EPHX4: variants seen among roughly 807,000 people sequenced by gnomAD.
EPHX4 encodes abhydrolase domain containing 7.
EPHX4 carries 31 observed loss-of-function variants against 44.9 expected under a neutral mutation model. That is an observed-to-expected ratio of 0.69 (90% CI 0.52 to 0.93). The LOEUF is 0.93. Among genes scored for constraint, EPHX4 ranks in the 40% least tolerant of loss-of-function variants. EPHX4 has a pLI of 0.00. For synonymous variants in EPHX4, 151 were observed against 159.7 expected (o/e 0.95, Z 0.41); for missense variants, 373 against 438.1 (o/e 0.85, Z 1.33).
intron 4 of EPHX4, among the ~76,000 whole-genome samples, chr1:92,049,769 T>G (rs1013583300): frequency 1.3e-5 from 2 of 152,174 alleles, no homozygotes; most frequent in East Asian, 3.9e-4. Flanking sequence ...TGTTCCCTTT[T>G]GAGTCAAGAT....
intron 2 of EPHX4, among the ~76,000 whole-genome samples, chr1:92,040,216 C>T (rs1159643919): frequency 7.6e-6 from 1 of 131,890 alleles, no homozygotes; most frequent in East Asian, 2.2e-4. Context: ...GGCTCTGTCA[C>T]TCAGGCTGGA....
In EPHX4 at chr1:92,040,092, C is replaced by A. The variant is rs528442753; in HGVS notation, c.318-2731C>A. ...AATCATAAATATCCTAGTGATAGAT[C>A]AAAAAATTCTATATTCATTCATAAT... On this transcript the variant is annotated intron_variant, in intron 2 of 6. Coordinates refer to ENST00000370383, the MANE Select transcript of EPHX4 (RefSeq NM_173567.5). Among the ~76,000 whole-genome samples the A allele has an allele frequency of 2.2e-4, 33 of 151,302 alleles. 1 individual carries two copies. In the South Asian group the frequency reaches 6.5e-3, roughly 30 times the overall value.
chr1:92,056,226 C>T (rs1241509664), intron 6 of EPHX4, among the ~76,000 whole-genome samples: 2 of 151,908 alleles, frequency 1.3e-5, no homozygotes, highest in South Asian at 2.1e-4. Context: ...AAAACAGGCA[C>T]GTTAAGACTA....
intron 2 of EPHX4, among the ~76,000 whole-genome samples, chr1:92,040,175 GA>G (rs1189657210): frequency 9.4e-5 from 9 of 95,288 alleles, no homozygotes; most frequent in Admixed American, 2.8e-4. Flanking sequence ...TTGTTACAAT[GA>G]TTTTTTTTTT....
In EPHX4 at chr1:92,063,185, A is replaced by G. The variant is rs754203489; in HGVS notation, c.988A>G (p.Ile330Val). The change falls in exon 7 of 7, where the codon ATT becomes GTT. Residue 330 changes from isoleucine to valine, a missense_variant. Coordinates refer to ENST00000370383, the MANE Select transcript of EPHX4 (RefSeq NM_173567.5). ...TGTTAAAAACTATTTCAGGCTAACTATTTTGTCAGAAGCCAGTCATTGGCT... is the reference window on the plus strand; with the variant it reads ...TGTTAAAAACTATTTCAGGCTAACTGTTTTGTCAGAAGCCAGTCATTGGCT... Reference protein sequence around the residue: ...IYVKNYFRLTILSEASHWLQQ... With the variant: ...IYVKNYFRLTVLSEASHWLQQ... 9 of 1,614,014 alleles carry G rather than the reference A, an allele frequency of 5.6e-6. No individual in the cohort carries two copies. Among genetic ancestry groups the G allele is most frequent in the Non-Finnish European group, 3.4e-6 (4 of 1,180,032 alleles).
chr1:92,033,229 T>C (rs2101865252), intron 2 of EPHX4, among the ~76,000 whole-genome samples: 1 of 152,186 alleles, frequency 6.6e-6, no homozygotes, highest in East Asian at 1.9e-4. Context: ...GTAATGACTT[T>C]TAACAGACCC....
At chr1:92,043,099 T>G in intron 3 of EPHX4, 119 bp downstream of exon 3, 50 of 786,358 alleles carry the variant, frequency 6.4e-5, no homozygotes, top group Non-Finnish European at 8.7e-5. Flanking sequence ...ATCTGGATCC[T>G]GTCACTATGG....
At chr1:92,060,283 A>G (rs1274737873) in intron 6 of EPHX4, among the ~76,000 whole-genome samples, 1 of 151,532 alleles carries the variant, frequency 6.6e-6, no homozygotes, top group Non-Finnish European at 1.5e-5. Flanking sequence ...CTGTTGTGGC[A>G]TGCCTCTGCA....
At chr1:92,044,546 ATC>A (rs1688555886) in intron 3 of EPHX4, among the ~76,000 whole-genome samples, 1 of 152,228 alleles carries the variant, frequency 6.6e-6, no homozygotes, top group Non-Finnish European at 1.5e-5. Context: ...TCCTGTAGGA[ATC>A]TCTATTAATC....
intron 6 of EPHX4, among the ~76,000 whole-genome samples, chr1:92,055,784 A>T (rs1647354787): frequency 6.6e-6 from 1 of 152,126 alleles, no homozygotes; most frequent in South Asian, 2.1e-4. Flanking sequence ...TTAATTTTGG[A>T]TAGGAGACGA....
chr1:92,052,436 T>C lies in EPHX4; in HGVS notation c.709-74T>C. On this transcript the variant is annotated intron_variant, in intron 5 of 6. Transcript: ENST00000370383. ...TCACCACACAATGACCACCATCCCC[T>C]TTCCAAAGCCAAAGACTTAGCTTAT... 2.1e-6 allele frequency: 3 copies of C among 1,441,484 alleles called. No homozygotes were observed. In the South Asian group the frequency reaches 4.0e-5, roughly 19 times the overall value. 89.3% of individuals were successfully genotyped at this position (1,441,484 alleles called of 1,614,324 possible). A position where few individuals can be genotyped will look rare whatever the true frequency, so the allele number is the denominator to read the frequency against.
rs373624217 is a variant in EPHX4 at position 92,030,109 on chromosome 1, C to T, written c.30C>T (p.Arg10=). The T allele has an allele frequency of 7.5e-6, 12 of 1,608,228 alleles. No individual in the cohort carries two copies. Among genetic ancestry groups the T allele is most frequent in the Non-Finnish European group, 1.0e-5 (12 of 1,177,912 alleles). The change falls in exon 1 of 7, where the codon CGC becomes CGT. Residue 10 remains arginine (R), a synonymous_variant. Coordinates refer to ENST00000370383, the MANE Select transcript of EPHX4 (RefSeq NM_173567.5). MARLRDCLP[R]LMLTLRSLLF... Reference sequence around the variant, plus strand: ...CGAGGCTGCGGGATTGCCTGCCCCGCCTGATGCTCACGCTCCGGTCCCTGC... The same window carrying T: ...CGAGGCTGCGGGATTGCCTGCCCCGTCTGATGCTCACGCTCCGGTCCCTGC...
At chr1:92,049,597 C>T (rs1032612580) in intron 4 of EPHX4, among the ~76,000 whole-genome samples, 5 of 152,234 alleles carry the variant, frequency 3.3e-5, no homozygotes, top group African/African-American at 9.6e-5. Context: ...ATAGGAAAAA[C>T]TTCAGTTCCT....
At chr1:92,031,332 T>C (rs1216891956) in intron 1 of EPHX4, among the ~76,000 whole-genome samples, 1 of 152,190 alleles carries the variant, frequency 6.6e-6, no homozygotes, top group East Asian at 1.9e-4. Flanking sequence ...AAAAAAGTTA[T>C]TGAACCTCTA....
At position 92,045,620 on chromosome 1, in the gene EPHX4, G is replaced by A; in HGVS notation, c.564G>A (p.Lys188=). 2 of 1,613,970 alleles carry A rather than the reference G, an allele frequency of 1.2e-6. No homozygotes were observed. Among genetic ancestry groups the A allele is most frequent in the South Asian group, 2.2e-5 (2 of 91,062 alleles). The change falls in exon 4 of 7, where the codon AAG becomes AAA. Residue 188 remains lysine (K), a synonymous_variant. Transcript: ENST00000370383. ...TCTGTTATCCTGAAATGGTGATGAA[G>A]CTTATTGTTATTAACTTCCCTCATC... ...IAICYPEMVM[K]LIVINFPHPN...
intron 6 of EPHX4, among the ~76,000 whole-genome samples, chr1:92,062,038 T>C (rs1020258556): frequency 1.6e-4 from 24 of 151,772 alleles, no homozygotes; most frequent in Non-Finnish European, 2.9e-5. Flanking sequence ...CAAGACCCCA[T>C]CTCAAATTAA....
At chr1:92,038,007 A>G (rs1300293174) in intron 2 of EPHX4, among the ~76,000 whole-genome samples, 1 of 152,200 alleles carries the variant, frequency 6.6e-6, no homozygotes, top group Non-Finnish European at 1.5e-5. Context: ...TGTTTTATTT[A>G]TGAACTTCAG....
intron 1 of EPHX4, among the ~76,000 whole-genome samples, chr1:92,031,250 C>A (rs1688356284): frequency 6.6e-6 from 1 of 152,096 alleles, no homozygotes; most frequent in African/African-American, 2.4e-5. Context: ...ATAGTCAGTG[C>A]AATAAAGTAT....
At chr1:92,037,690 A>G (rs1337126778) in intron 2 of EPHX4, among the ~76,000 whole-genome samples, 2 of 152,220 alleles carry the variant, frequency 1.3e-5, no homozygotes, top group Non-Finnish European at 2.9e-5. Context: ...GGAGGAGGAT[A>G]GTCTACATCT....
Sources: allele counts gnomAD v4.1 joint callset (sites outside exome capture counted in the v4.1 genomes callset), GRCh38; gene constraint gnomAD v4.1.1; transcripts MANE v1.5; gene names NCBI Gene and HGNC (gene_info 2026-07-23, HGNC 2026-07-21).